Variants in PPAT observed in about 807,000 individuals in gnomAD.
PPAT encodes phosphoribosyl pyrophosphate amidotransferase.
PPAT carries 20 observed loss-of-function variants against 60.2 expected under a neutral mutation model. The observed-to-expected ratio is 0.33, with a 90% CI of 0.23 to 0.48. The LOEUF (loss-of-function observed/expected upper bound fraction) is 0.48, where lower values mean the gene tolerates loss of function less well. PPAT is among the 20% of genes least tolerant of loss of function. The probability of loss-of-function intolerance (pLI) is 0.99; values close to 1 mark genes in which losing one functional copy is unlikely to be tolerated. For synonymous variants in PPAT, 194 were observed against 215.1 expected, an observed-to-expected ratio of 0.90 and a Z score of 0.86; for missense variants, 349 against 629.6, an observed-to-expected ratio of 0.55 and a Z score of 4.77.
chr4:56,412,870 T>C (rs149777557), intron 1 of PPAT, among the ~76,000 whole-genome samples: 47 of 152,328 alleles, frequency 3.1e-4, no homozygotes, highest in African/African-American at 9.9e-4. Context: ...AGTTGTTCTT[T>C]ACATTTTTAA....
At position 56,406,521 on chromosome 4, in the gene PPAT, C is replaced by T. The variant is rs756567329; in HGVS notation, c.376G>A (p.Val126Ile). Residue 126 changes from valine to isoleucine, a missense_variant, in exon 3 of 11, where the codon GTA becomes ATA. Coordinates refer to ENST00000264220, the MANE Select transcript of PPAT (RefSeq NM_002703.5). Reference protein sequence around the residue: ...KIAVAHNGELVNAARLRKKLL... With the variant: ...KIAVAHNGELINAARLRKKLL... ...TTTTTCCTTAATCGAGCAGCATTTA[C>T]CAATTCGCCATTATGTGCCACAGCT... is the stretch of plus-strand genomic sequence containing the variant. The T allele has an allele frequency of 3.7e-6, 6 of 1,612,320 alleles. No homozygotes were observed. In the South Asian group the frequency reaches 6.6e-5, roughly 18 times the overall value.
chr4:56,402,133 C>T lies in PPAT; in HGVS notation c.710G>A (p.Cys237Tyr). Residue 237 changes from cysteine (C) to tyrosine (Y), a missense_variant, in exon 6 of 11, where the codon TGT (cysteine) becomes TAT (tyrosine). Cys to Tyr is a radical substitution (Grantham distance 194). Around this residue, in one of 5 missense-constraint regions of PPAT, gnomAD observed 167 missense variants for 328.6 expected, o/e 0.51. Coordinates refer to ENST00000264220, the MANE Select transcript of PPAT (RefSeq NM_002703.5). ...TEGWVVSSES[C>Y]SFLSIGARYY... ...CCTTGCACCAATAGATAAGAAGCTA[C>T]AAGATTCTGAAGACACCACCCATCC... 6.2e-7 allele frequency: 1 copy of T among 1,604,222 alleles called. No homozygotes were observed. The highest frequency in any genetic ancestry group is 1.3e-5 in the African/African-American group (1 of 74,808).
chr4:56,402,024 A>C (rs201559760), intron 6 of PPAT, 85 bp downstream of exon 6: 1 of 1,102,080 alleles, frequency 9.1e-7, no homozygotes. Context: ...GAAAACTTTC[A>C]AACTTTCACA....
At chr4:56,422,606 AC>A (rs1717097414) in intron 1 of PPAT, 1 of 151,740 alleles carries the variant, frequency 6.6e-6, no homozygotes, top group African/African-American at 2.4e-5. Flanking sequence ...TGAAGCCTTA[AC>A]CCCCAATGTG....
intron 1 of PPAT, among the ~76,000 whole-genome samples, chr4:56,429,317 T>C (rs6820922): frequency 0.33 from 49,772 of 152,078 alleles, 8,924 homozygotes; most frequent in Non-Finnish European, 0.41. Context: ...AATTGTACTT[T>C]ACAGTGATTG....
rs757213321 is a variant in PPAT, at chr4:56,403,059, C to A, written c.642G>T (p.Val214=). 2 of 1,608,144 alleles carry A rather than the reference C, an allele frequency of 1.2e-6. No homozygotes were observed. Among genetic ancestry groups the A allele is most frequent in the Non-Finnish European group, 1.7e-6 (2 of 1,177,726 alleles). Residue 214 remains valine, a synonymous_variant, in exon 5 of 11, where the codon GTG becomes GTT. Transcript: ENST00000264220. ...RPLCIGRLIP[V]SDINDKEKKT... Reference sequence around the variant, plus strand: ...TATTACCTTTGTCATTTATATCAGACACTGGAATAAGACGACCAATGCATA... The same window carrying A: ...TATTACCTTTGTCATTTATATCAGAAACTGGAATAAGACGACCAATGCATA...
chr4:56,408,937 G>C (rs1716330337), intron 1 of PPAT, among the ~76,000 whole-genome samples: 1 of 152,026 alleles, frequency 6.6e-6, no homozygotes, highest in Non-Finnish European at 1.5e-5. Flanking sequence ...AAAATGTTGT[G>C]ATTCTGCTAA....
intron 1 of PPAT, among the ~76,000 whole-genome samples, chr4:56,416,886 G>A (rs1289364870): frequency 6.6e-6 from 1 of 152,122 alleles, no homozygotes; most frequent in East Asian, 1.9e-4. Flanking sequence ...GTCTCACTCT[G>A]TTGCCCAGGC....
rs1310461464 is a variant in PPAT at position 56,395,167 on chromosome 4, T to C, written c.*185A>G. 10 of 542,180 alleles carry C rather than the reference T, an allele frequency of 1.8e-5. No individual in the cohort carries two copies. Among genetic ancestry groups the C allele is most frequent in the East Asian group, 7.1e-5 (2 of 28,226 alleles). The allele number at this position is 542,180 out of a possible 1,614,324, so 33.6% of individuals were successfully genotyped here. A position where few individuals can be genotyped will look rare whatever the true frequency, so the allele number is the denominator to read the frequency against. On this transcript the variant is annotated 3_prime_UTR_variant, in exon 11 of 11. Transcript: ENST00000264220. ...CCACATATTGTTGTATTATATGCAA[T>C]TGGAAATGTTCAGTTATCGCACTTT...
chr4:56,414,802 T>C (rs2110049519), intron 1 of PPAT, among the ~76,000 whole-genome samples: 1 of 152,358 alleles, frequency 6.6e-6, no homozygotes, highest in Non-Finnish European at 1.5e-5. Context: ...CTGGGCCCTG[T>C]TTCTCTAAAG....
chr4:56,419,956 C>G (rs1716956588), intron 1 of PPAT: 1 of 983,886 alleles, frequency 1.0e-6, no homozygotes, highest in Non-Finnish European at 1.2e-6. Context: ...ATTCTGGGAC[C>G]CAATAAAACA....
rs146786062 is a variant in PPAT, at chr4:56,416,942, G to A, written c.129-9226C>T. Among the ~76,000 whole-genome samples the A allele has an allele frequency of 9.5e-3, 1,438 of 152,122 alleles. 28 individuals carry two copies. Among genetic ancestry groups the A allele is most frequent in the African/African-American group, 0.032 (1,349 of 41,510 alleles). ...CCAGCTCACTGTAACCTCTGCCTCC[G>A]GGGTTCAAGCAATTCTCCTGCCTCA... is the stretch of plus-strand genomic sequence containing the variant. On this transcript the variant is annotated intron_variant, in intron 1 of 10. Coordinates refer to ENST00000264220, the MANE Select transcript of PPAT (RefSeq NM_002703.5).
rs1186997198 is a variant in PPAT, at chr4:56,402,160, T to G, written c.683A>C (p.Glu228Ala). Residue 228 changes from glutamate (E) to alanine (A), a missense_variant, in exon 6 of 11, where the codon GAA becomes GCA. Physicochemically the swap from Glu to Ala is moderately radical, Grantham distance 107. Coordinates refer to ENST00000264220, the MANE Select transcript of PPAT (RefSeq NM_002703.5). The stretch of plus-strand genomic sequence containing the variant: ...AGATTCTGAAGACACCACCCATCCT[T>G]CTGTTTCTGATGTTTTTTTCTCTGT... ...NDKEKKTSET[E>A]GWVVSSESCS... 4.4e-6 allele frequency: 7 copies of G among 1,607,008 alleles called. No homozygotes were observed. In the South Asian group the frequency reaches 4.4e-5, roughly 10 times the overall value.
intron 2 of PPAT, among the ~76,000 whole-genome samples, chr4:56,407,093 A>G (rs1001739126): frequency 3.3e-5 from 5 of 152,234 alleles, no homozygotes; most frequent in African/African-American, 1.2e-4. Flanking sequence ...AAAAAATCAA[A>G]GCATCTTAAA....
At chr4:56,431,022 T>C (rs1307486708) in intron 1 of PPAT, among the ~76,000 whole-genome samples, 2 of 151,704 alleles carry the variant, frequency 1.3e-5, no homozygotes, top group Admixed American at 1.3e-4. Flanking sequence ...AATGGAAGGA[T>C]TGAAAACACT....
In PPAT at chr4:56,435,331, C is replaced by T. The variant is rs1162986293; in HGVS notation, c.128+19G>A. The T allele has an allele frequency of 1.9e-6, 3 of 1,613,080 alleles. No homozygotes were observed. Among genetic ancestry groups the T allele is most frequent in the Non-Finnish European group, 2.5e-6 (3 of 1,179,532 alleles). ...GAGATGGAGACGCACGCCCCCGCCA[C>T]CCCCACCCTGTTGCTCACCGGTGCT... On this transcript the variant is annotated intron_variant, in intron 1 of 10. Coordinates refer to ENST00000264220, the MANE Select transcript of PPAT (RefSeq NM_002703.5).
chr4:56,424,649 G>C (rs961445466), intron 1 of PPAT, among the ~76,000 whole-genome samples: 5 of 152,112 alleles, frequency 3.3e-5, no homozygotes, highest in African/African-American at 9.7e-5. Flanking sequence ...TTTCTCCCTG[G>C]TCTGAAGCAT....
At chr4:56,410,683 G>C (rs1367252912) in intron 1 of PPAT, 3 of 986,408 alleles carry the variant, frequency 3.0e-6, no homozygotes, top group Admixed American at 6.2e-5. Flanking sequence ...ACAGAGACTG[G>C]AAACAGTGCT....
intron 8 of PPAT, 160 bp downstream of exon 8, chr4:56,400,623 TA>T: frequency 2.6e-6 from 2 of 775,582 alleles, no homozygotes; most frequent in Non-Finnish European, 3.8e-6. Context: ...TGCCATTGGA[TA>T]AAAAGCCTGG....
Sources: gnomAD v4.1 joint callset for allele counts (sites outside exome capture counted in the v4.1 genomes callset) on GRCh38, gnomAD v4.1.1 for gene constraint, gnomAD v4.1.1 regional missense constraint, MANE v1.5 for transcripts, NCBI Gene and HGNC (gene_info 2026-07-23, HGNC 2026-07-21) for gene names.